SMG8: variants seen among roughly 807,000 people sequenced by gnomAD.
The protein encoded by SMG8 is SMG8 nonsense mediated mRNA decay factor, also known as nonsense-mediated mRNA decay factor SMG8.
Under a neutral mutation model 82.1 loss-of-function variants are expected in SMG8, and 49 were observed. That is an observed-to-expected ratio of 0.60 (90% CI 0.47 to 0.76). The LOEUF (loss-of-function observed/expected upper bound fraction) is 0.76. Ranked by LOEUF, SMG8 falls within the 30% of genes least tolerant of loss-of-function variation. SMG8 has a pLI of 0.00. For missense variants in SMG8, 969 were observed against 1,166.4 expected (o/e 0.83, Z 2.46); for synonymous variants, 404 against 430.0 (o/e 0.94, Z 0.75).
rs375060156 is a variant in SMG8, at chr17:59,210,099, C to G, written c.48C>G (p.Ala16=). The change falls in exon 1 of 4, where the codon GCC becomes GCG. Residue 16 remains alanine, a synonymous_variant. Coordinates refer to ENST00000300917, the MANE Select transcript of SMG8 (RefSeq NM_018149.7). The part of the protein sequence containing the change: ...SLRDLLMGAS[A]WMGSESPGGS... Reference sequence around the variant, plus strand: ...GAGACCTTCTAATGGGAGCATCAGCCTGGATGGGCTCTGAAAGTCCCGGAG... The same window carrying G: ...GAGACCTTCTAATGGGAGCATCAGCGTGGATGGGCTCTGAAAGTCCCGGAG... 4.2e-5 allele frequency: 66 copies of G among 1,584,188 alleles called. No homozygotes were observed. In the East Asian group the frequency reaches 5.6e-4, roughly 13 times the overall value.
Position 59,213,357 on chromosome 17 carries a change from C to G in SMG8, c.2534C>G (p.Ala845Gly), listed in dbSNP as rs2046953850. ...RGRRRDDIAR[A>G]FVGFEYEDSR... ...AGACGGCGAGATGACATAGCTCGAG[C>G]TTTTGTGGGCTTTGAATATGAAGAC... is the stretch of plus-strand genomic sequence containing the variant. Residue 845 changes from alanine to glycine, a missense_variant, in exon 3 of 4, where the codon GCT (alanine) becomes GGT (glycine). This residue lies in a region of SMG8 where 662 missense variants were observed against 884.8 expected (regional missense o/e 0.75). Coordinates refer to ENST00000300917, the MANE Select transcript of SMG8 (RefSeq NM_018149.7). The G allele has an allele frequency of 6.2e-7, 1 of 1,614,034 alleles. No homozygotes were observed. Among genetic ancestry groups the G allele is most frequent in the African/African-American group, 1.3e-5 (1 of 74,904 alleles).
chr17:59,211,182 G>A lies in SMG8; in HGVS notation c.1131G>A (p.Arg377=). The change falls in exon 1 of 4, where the codon AGG becomes AGA. Residue 377 remains arginine (R), a synonymous_variant. Transcript: ENST00000300917. The stretch of plus-strand genomic sequence containing the variant: ...TGCCTGCACCCCTTTCTGGGCCTAG[G>A]CGATACCAGGTGATGAGGCAGCACA... The part of the protein sequence containing the change: ...LLVPAPLSGP[R]RYQVMRQHSR... 1 of 1,614,208 alleles carries A rather than the reference G, an allele frequency of 6.2e-7. No individual in the cohort carries two copies. Among genetic ancestry groups the A allele is most frequent in the Non-Finnish European group, 8.5e-7 (1 of 1,180,024 alleles).
chr17:59,212,671 A>G, intron 2 of SMG8, 58 bp from the exon 3 acceptor site: 1 of 1,521,362 alleles, frequency 6.6e-7, no homozygotes, highest in Non-Finnish European at 8.8e-7. Flanking sequence ...TCTTGTTAGA[A>G]TGAAGAATAT....
rs1213372970 is a variant in SMG8 at position 59,213,230 on chromosome 17, AG to A, written c.2409del (p.Thr804LeufsTer9). ...TCTTATGCCTTGGGACATTGTCATCAGGACTAGAGCTGAAGATGAAGGAGAC... is the reference window on the plus strand; with the variant it reads ...TCTTATGCCTTGGGACATTGTCATCAGACTAGAGCTGAAGATGAAGGAGAC... ...NYLMPWDIVI[R>X]TRAEDEGDLD... is the part of the protein sequence containing the mutation. On this transcript the variant is annotated frameshift_variant, in exon 3 of 4. Transcript: ENST00000300917. LOFTEE classifies it high-confidence loss of function. 6.2e-7 allele frequency: 1 copy of A among 1,614,112 alleles called. No homozygotes were observed. Among genetic ancestry groups the A allele is most frequent in the Admixed American group, 1.7e-5 (1 of 59,998 alleles).
chr17:59,212,504 T>C lies in SMG8; in HGVS notation c.1905+18T>C. On this transcript the variant is annotated intron_variant, in intron 2 of 3. Coordinates refer to ENST00000300917, the MANE Select transcript of SMG8 (RefSeq NM_018149.7). The stretch of plus-strand genomic sequence containing the variant: ...TCTATCAGGTAGACTCTGAATTTTT[T>C]CTTCTTCCTCTTCTGTCTTTTTTTG... 1.3e-6 allele frequency: 2 copies of C among 1,584,316 alleles called. No individual in the cohort carries two copies. Among genetic ancestry groups the C allele is most frequent in the Non-Finnish European group, 1.7e-6 (2 of 1,160,958 alleles).
chr17:59,214,441 C>G (rs190377936), intron 3 of SMG8, among the ~76,000 whole-genome samples: 1 of 152,216 alleles, frequency 6.6e-6, no homozygotes, highest in East Asian at 1.9e-4. Context: ...GAGACAGTCT[C>G]GCTCTGTTGC....
At position 59,214,655 on chromosome 17, in the gene SMG8, C is replaced by T; in HGVS notation, c.2779-150C>T. 3 of 599,388 alleles carry T rather than the reference C, an allele frequency of 5.0e-6. No homozygotes were observed. The South Asian group carries it at 6.0e-5, about 12-fold the overall frequency. 37.1% of individuals were successfully genotyped at this position (599,388 alleles called of 1,614,324 possible). A position where few individuals can be genotyped will look rare whatever the true frequency, so the allele number is the denominator to read the frequency against. ...AACTCCTGACCTCGTGATTCACCTG[C>T]CTCAGCCTCCCAAAGTGCTGGAATT... On this transcript the variant is annotated intron_variant, in intron 3 of 3. Transcript: ENST00000300917.
chr17:59,214,415 ATTTG>A (rs977980720), intron 3 of SMG8, among the ~76,000 whole-genome samples: 6 of 151,416 alleles, frequency 4.0e-5, no homozygotes, highest in East Asian at 3.9e-4. Flanking sequence ...TTATTTATTT[ATTTG>A]TTTGTTTTTT....
Position 59,213,131 on chromosome 17 carries a change from A to G in SMG8, c.2308A>G (p.Lys770Glu), listed in dbSNP as rs762309431. ...LPKFSSWSLV[K>E]LGPAKSYNFH... ...CAAATTCTCCAGCTGGTCTTTGGTT[A>G]AACTAGGCCCTGCTAAGTCTTATAA... The change falls in exon 3 of 4, where the codon AAA becomes GAA. Residue 770 changes from lysine (K) to glutamate (E), a missense_variant. Coordinates refer to ENST00000300917, the MANE Select transcript of SMG8 (RefSeq NM_018149.7). 6.2e-7 allele frequency: 1 copy of G among 1,614,238 alleles called. No homozygotes were observed. Among genetic ancestry groups the G allele is most frequent in the South Asian group, 1.1e-5 (1 of 91,086 alleles).
At chr17:59,212,597 GTATAATA>G in intron 2 of SMG8, 111 bp downstream of exon 2, 1 of 1,463,794 alleles carries the variant, frequency 6.8e-7, no homozygotes, top group Middle Eastern at 2.0e-4. Flanking sequence ...TGCAACTGCA[GTATAATA>G]TATAAACAGG....
Position 59,210,946 on chromosome 17 carries a change from A to T in SMG8, c.895A>T (p.Arg299Trp). Residue 299 changes from arginine (R) to tryptophan (W), a missense_variant, in exon 1 of 4, where the codon AGG (arginine) becomes TGG (tryptophan). Around this residue, in one of 3 missense-constraint regions of SMG8, gnomAD observed 662 missense variants for 884.8 expected, o/e 0.75. Transcript: ENST00000300917. Reference sequence around the variant, plus strand: ...GCCCAAGAAACATTCTCCCAAAAGGAGGCTGCAGCATGCCCTGGAGGACCA... The same window carrying T: ...GCCCAAGAAACATTCTCCCAAAAGGTGGCTGCAGCATGCCCTGGAGGACCA... ...DKPKKHSPKR[R>W]LQHALEDQIY... 6.2e-7 allele frequency: 1 copy of T among 1,614,204 alleles called. No individual in the cohort carries two copies. Among genetic ancestry groups the T allele is most frequent in the Non-Finnish European group, 8.5e-7 (1 of 1,180,034 alleles).
At chr17:59,214,085 C>T (rs1210083225) in intron 3 of SMG8, among the ~76,000 whole-genome samples, 1 of 152,074 alleles carries the variant, frequency 6.6e-6, no homozygotes, top group Admixed American at 6.6e-5. Context: ...GAGTTCGAGA[C>T]AAGCCTGGGC....
chr17:59,212,305 G>A, intron 1 of SMG8, 36 bp from the exon 2 acceptor site: 1 of 1,530,924 alleles, frequency 6.5e-7, no homozygotes, highest in Non-Finnish European at 8.9e-7. Context: ...CGCACATTGT[G>A]TTTATGAAAT....
rs2147865894 is a variant in SMG8, at chr17:59,215,213, GGTT to G, written c.*215_*217del. On this transcript the variant is annotated 3_prime_UTR_variant, in exon 4 of 4. Transcript: ENST00000300917. ...TGACTACAACTTTCTAATAAAGATT[GGTT>G]GTTCTAGAAAAGAATATAAAATACA... 1 of 490,620 alleles carries G rather than the reference GGTT, an allele frequency of 2.0e-6. No homozygotes were observed. The highest frequency in any genetic ancestry group is 3.6e-6 in the Non-Finnish European group (1 of 276,748). The allele number at this position is 490,620 out of a possible 1,614,324, so 30.4% of individuals were successfully genotyped here. A position where few individuals can be genotyped will look rare whatever the true frequency, so the allele number is the denominator to read the frequency against.
In SMG8 at chr17:59,211,617, T is replaced by A; in HGVS notation, c.1566T>A (p.Thr522=). 6.2e-7 allele frequency: 1 copy of A among 1,614,092 alleles called. No individual in the cohort carries two copies. The highest frequency in any genetic ancestry group is 8.5e-7 in the Non-Finnish European group (1 of 1,179,994). Residue 522 remains threonine, a synonymous_variant, in exon 1 of 4, where the codon ACT becomes ACA. Coordinates refer to ENST00000300917, the MANE Select transcript of SMG8 (RefSeq NM_018149.7). ...ATTTGCCTCATAATTACACAATGACTGTCCATAAGAATCAGCTTGCCCAGG... is the reference window on the plus strand; with the variant it reads ...ATTTGCCTCATAATTACACAATGACAGTCCATAAGAATCAGCTTGCCCAGG... The part of the protein sequence containing the change: ...QSNLPHNYTM[T]VHKNQLAQAL...
chr17:59,213,161 C>T lies in SMG8; in HGVS notation c.2338C>T (p.His780Tyr). ...AGGCCCTGCTAAGTCTTATAACTTT[C>T]ATACAGGTTTGGACCAACAGGGCTT... is the stretch of plus-strand genomic sequence containing the variant. ...KLGPAKSYNFHTGLDQQGFIP... is the reference protein window; with the variant it reads ...KLGPAKSYNFYTGLDQQGFIP... The change falls in exon 3 of 4, where the codon CAT (histidine) becomes TAT (tyrosine). Residue 780 changes from histidine (H) to tyrosine (Y), a missense_variant. Transcript: ENST00000300917. 6.2e-7 allele frequency: 1 copy of T among 1,614,196 alleles called. No individual in the cohort carries two copies. The highest frequency in any genetic ancestry group is 8.5e-7 in the Non-Finnish European group (1 of 1,180,036).
chr17:59,212,795 C>G lies in SMG8; in HGVS notation c.1972C>G (p.Pro658Ala), dbSNP rs756534282. The stretch of plus-strand genomic sequence containing the variant: ...TTTCCCAGTATTTGAACCAAGTACT[C>G]CAGATCCTGCTCCTGCTAAAAATGA... ...INFPVFEPST[P>A]DPAPAKNESS... Residue 658 changes from proline (P) to alanine (A), a missense_variant, in exon 3 of 4, where the codon CCA (proline) becomes GCA (alanine). Pro to Ala is a conservative substitution (Grantham distance 27). Around this residue, in one of 3 missense-constraint regions of SMG8, gnomAD observed 662 missense variants for 884.8 expected, o/e 0.75. Transcript: ENST00000300917. 6.2e-7 allele frequency: 1 copy of G among 1,613,936 alleles called. No individual in the cohort carries two copies. Among genetic ancestry groups the G allele is most frequent in the Non-Finnish European group, 8.5e-7 (1 of 1,179,970 alleles).
rs2046944183 is a variant in SMG8 at position 59,211,175 on chromosome 17, G to T, written c.1124G>T (p.Gly375Val). The change falls in exon 1 of 4, where the codon GGG becomes GTG. Residue 375 changes from glycine to valine, a missense_variant. Transcript: ENST00000300917. The stretch of plus-strand genomic sequence containing the variant: ...TTGCTGGTGCCTGCACCCCTTTCTG[G>T]GCCTAGGCGATACCAGGTGATGAGG... ...ESLLVPAPLS[G>V]PRRYQVMRQH... 1 of 1,614,052 alleles carries T rather than the reference G, an allele frequency of 6.2e-7. No homozygotes were observed. Among genetic ancestry groups the T allele is most frequent in the African/African-American group, 1.3e-5 (1 of 74,926 alleles).
In SMG8 at chr17:59,211,337, A is replaced by T; in HGVS notation, c.1286A>T (p.Asp429Val). The change falls in exon 1 of 4, where the codon GAC (aspartate) becomes GTC (valine). Residue 429 changes from aspartate to valine, a missense_variant. Asp to Val is a radical substitution (Grantham distance 152, BLOSUM62 -3). Transcript: ENST00000300917. ...GTTCTAAGCAAGAAAGGTTTCGATGACAGTGTGGGCAGGAACCCACAGCCT... is the reference window on the plus strand; with the variant it reads ...GTTCTAAGCAAGAAAGGTTTCGATGTCAGTGTGGGCAGGAACCCACAGCCT... ...ELVLSKKGFDDSVGRNPQPSH... is the reference protein window; with the variant it reads ...ELVLSKKGFDVSVGRNPQPSH... 6.2e-7 allele frequency: 1 copy of T among 1,614,150 alleles called. No individual in the cohort carries two copies. The highest frequency in any genetic ancestry group is 8.5e-7 in the Non-Finnish European group (1 of 1,180,006).
Sources: gnomAD v4.1 joint callset for allele counts (sites outside exome capture counted in the v4.1 genomes callset) on GRCh38, gnomAD v4.1.1 for gene constraint, gnomAD v4.1.1 regional missense constraint, MANE v1.5 for transcripts, NCBI Gene and HGNC (gene_info 2026-07-23, HGNC 2026-07-21) for gene names.